LRIG1: variants seen among roughly 807,000 people sequenced by gnomAD.
LRIG1 encodes leucine-rich repeats and immunoglobulin-like domains protein 1.
LRIG1 carries 48 observed loss-of-function variants against 99.2 expected under a neutral mutation model. That is an observed-to-expected ratio of 0.48 (90% confidence interval 0.38 to 0.62). The LOEUF (loss-of-function observed/expected upper bound fraction) is 0.62, where lower values mean the gene tolerates loss of function less well. LRIG1 is among the 20% of genes least tolerant of loss of function. LRIG1 has a pLI of 0.00. For synonymous variants in LRIG1, 772 were observed against 596.1 expected (o/e 1.29, Z -4.30); for missense variants, 1,646 against 1,434.4 (o/e 1.15, Z -2.38).
At chr3:66,401,807 C>T (rs1702067062) in intron 9 of LRIG1, 9 of 534,018 alleles carry the variant, frequency 1.7e-5, no homozygotes, top group Non-Finnish European at 2.9e-5. Context: ...GAACAGAAAG[C>T]GACCTGCGGG....
In LRIG1 at chr3:66,383,171, T is replaced by C. The variant is rs1559765262; in HGVS notation, c.2302A>G (p.Thr768Ala). Residue 768 changes from threonine to alanine, a missense_variant, in exon 15 of 19, where the codon ACC becomes GCC. Thr to Ala is a moderately conservative substitution (Grantham distance 58). Coordinates refer to ENST00000273261, the MANE Select transcript of LRIG1 (RefSeq NM_015541.3). Reference protein sequence around the residue: ...AGRYTCEMSNTLGTERAHSQL... With the variant: ...AGRYTCEMSNALGTERAHSQL... The stretch of plus-strand genomic sequence containing the variant: ...CTGTGAGCTCGCTCCGTGCCCAGGG[T>C]GTTGGACATCTCACAGGTATATCGG... The C allele has an allele frequency of 6.2e-7, 1 of 1,614,008 alleles. No homozygotes were observed. Among genetic ancestry groups the C allele is most frequent in the African/African-American group, 1.3e-5 (1 of 74,896 alleles).
chr3:66,472,952 T>C (rs548279708), intron 1 of LRIG1, among the ~76,000 whole-genome samples: 99 of 152,156 alleles, frequency 6.5e-4, no homozygotes, highest in African/African-American at 1.8e-3. Flanking sequence ...ATGAAAATAT[T>C]AGTACAAAAA....
intron 1 of LRIG1, among the ~76,000 whole-genome samples, chr3:66,477,786 G>A (rs560372571): frequency 6.6e-6 from 1 of 152,198 alleles, no homozygotes; most frequent in East Asian, 1.9e-4. Flanking sequence ...ACACACCTAT[G>A]GGGGAGGAAG....
chr3:66,464,369 G>A (rs1245071782), intron 1 of LRIG1, among the ~76,000 whole-genome samples: 3 of 152,210 alleles, frequency 2.0e-5, no homozygotes, highest in Middle Eastern at 3.4e-3. Flanking sequence ...AGGCTGACAC[G>A]GAAGTGCCTG....
intron 12 of LRIG1, among the ~76,000 whole-genome samples, chr3:66,393,430 T>C (rs28703799): frequency 0.045 from 6,832 of 152,304 alleles, 528 homozygotes; most frequent in African/African-American, 0.15. Context: ...TGCGTGTGTG[T>C]TTTCAGCTGT....
At chr3:66,461,147 C>T (rs1277021250) in intron 2 of LRIG1, among the ~76,000 whole-genome samples, 2 of 152,044 alleles carry the variant, frequency 1.3e-5, no homozygotes, top group Non-Finnish European at 2.9e-5. Flanking sequence ...ACCATCTCTA[C>T]TAAAAAAATT....
intron 1 of LRIG1, among the ~76,000 whole-genome samples, chr3:66,494,969 T>C (rs546859582): frequency 2.0e-5 from 3 of 152,228 alleles, no homozygotes; most frequent in African/African-American, 7.2e-5. Flanking sequence ...AAAACATAAA[T>C]GCAGGTCCCA....
At position 66,379,085 on chromosome 3, in the gene LRIG1, T is replaced by TCC. The variant is rs1489806087; in HGVS notation, c.*1176_*1177dup. On this transcript the variant is annotated 3_prime_UTR_variant, in exon 19 of 19. Coordinates refer to ENST00000273261, the MANE Select transcript of LRIG1 (RefSeq NM_015541.3). ...AATTGTTAACTATTTTCTCAGTAAC[T>TCC]CCCTTCAGCTTTTGGCCAAAGGAAC... 2.6e-5 allele frequency: 4 copies of TCC among 152,762 alleles called. No homozygotes were observed. In the East Asian group the frequency reaches 7.7e-4, roughly 29 times the overall value. The allele number at this position is 152,762 out of a possible 1,614,324, so 9.5% of individuals were successfully genotyped here.
At chr3:66,462,314 C>G (rs1276482848) in intron 2 of LRIG1, 124 bp downstream of exon 2, 3 of 719,108 alleles carry the variant, frequency 4.2e-6, no homozygotes, top group African/African-American at 3.5e-5. Flanking sequence ...AGTCCATACA[C>G]AAATGTTCCT....
rs332371 is a variant in LRIG1, at chr3:66,382,256, A to C, written c.2617+17T>G. ...CAGTCACAGCAGAGCTCTGCTTCACAGTTACTGAGGCCTTACCATTGCTCT... is the reference window on the plus strand; with the variant it reads ...CAGTCACAGCAGAGCTCTGCTTCACCGTTACTGAGGCCTTACCATTGCTCT... On this transcript the variant is annotated intron_variant, in intron 16 of 18. Coordinates refer to ENST00000273261, the MANE Select transcript of LRIG1 (RefSeq NM_015541.3). 11 of 1,613,456 alleles carry C rather than the reference A, an allele frequency of 6.8e-6. No homozygotes were observed. The highest frequency in any genetic ancestry group is 9.3e-6 in the Non-Finnish European group (11 of 1,179,638).
chr3:66,424,311 T>A (rs1021461214), intron 3 of LRIG1, among the ~76,000 whole-genome samples: 3 of 151,294 alleles, frequency 2.0e-5, no homozygotes, highest in Non-Finnish European at 4.4e-5. Flanking sequence ...AACCCCACCA[T>A]TCCAGAGGTA....
At chr3:66,474,266 A>G (rs1326541575) in intron 1 of LRIG1, among the ~76,000 whole-genome samples, 11 of 151,936 alleles carry the variant, frequency 7.2e-5, no homozygotes, top group African/African-American at 2.7e-4. Context: ...GCCACAACAC[A>G]CTTTTATTTC....
In LRIG1 at chr3:66,433,368, G is replaced by A. The variant is rs867799312; in HGVS notation, c.366-16102C>T. On this transcript the variant is annotated intron_variant, in intron 3 of 18. Transcript: ENST00000273261. ...TATGAAGACAGAGAGGGGACTGTGG[G>A]TGCTGCAGCGCTAAAGCTCCCTCTG... Among the ~76,000 whole-genome samples, 16 of 152,346 alleles carry A rather than the reference G, an allele frequency of 1.1e-4. No homozygotes were observed. In the Middle Eastern group the frequency reaches 0.01, roughly 97 times the overall value.
intron 11 of LRIG1, among the ~76,000 whole-genome samples, chr3:66,394,468 G>A (rs894735033): frequency 6.6e-6 from 1 of 152,194 alleles, no homozygotes; most frequent in Non-Finnish European, 1.5e-5. Context: ...CACGTATCAT[G>A]CTGGGGCTGC....
In LRIG1 at chr3:66,379,945, AAAT is replaced by A. The variant is rs1165716554; in HGVS notation, c.*315_*317del. On this transcript the variant is annotated 3_prime_UTR_variant, in exon 19 of 19. Transcript: ENST00000273261. Reference sequence around the variant, plus strand: ...AAATTAAACAGCAACCTGATACGAAAAATAATATTGTCAAAATTGTATAATTTT... The same window carrying A: ...AAATTAAACAGCAACCTGATACGAAAAATATTGTCAAAATTGTATAATTTT... The A allele has an allele frequency of 5.3e-6, 1 of 187,452 alleles. No individual in the cohort carries two copies. The highest frequency in any genetic ancestry group is 1.1e-5 in the Non-Finnish European group (1 of 91,232). The allele number at this position is 187,452 out of a possible 1,614,324, so 11.6% of individuals were successfully genotyped here.
rs1700210563 is a variant in LRIG1 at position 66,456,000 on chromosome 3, CCT to C, written c.291-4369_291-4368del. On this transcript the variant is annotated intron_variant, in intron 2 of 18. Transcript: ENST00000273261. The stretch of plus-strand genomic sequence containing the variant: ...CTTTGAGGAAAGTACTAAATTATCA[CCT>C]CTCCTTAAGAAAGGAAACTGAGGCA... Among the ~76,000 whole-genome samples, 3 of 152,316 alleles carry C rather than the reference CCT, an allele frequency of 2.0e-5. No homozygotes were observed. The South Asian group carries it at 6.2e-4, about 32-fold the overall frequency.
intron 15 of LRIG1, 137 bp from the exon 16 acceptor site, chr3:66,382,535 A>T (rs1032770663): frequency 2.0e-6 from 2 of 1,022,894 alleles, no homozygotes; most frequent in East Asian, 4.8e-5. Flanking sequence ...CATGGAGTCC[A>T]TGTACGCAAC....
chr3:66,399,168 A>AG (rs1471698650), intron 9 of LRIG1, 127 bp from the exon 10 acceptor site: 1 of 758,606 alleles, frequency 1.3e-6, no homozygotes, highest in Non-Finnish European at 2.2e-6. Context: ...CTGTCCAGTG[A>AG]GGGGCAGGTG....
At chr3:66,426,059 C>T (rs1416610979) in intron 3 of LRIG1, among the ~76,000 whole-genome samples, 1 of 152,178 alleles carries the variant, frequency 6.6e-6, no homozygotes, top group Non-Finnish European at 1.5e-5. Context: ...TCTCATGTCA[C>T]AGATAACAGC....
Sources: allele counts gnomAD v4.1 joint callset (sites outside exome capture counted in the v4.1 genomes callset), GRCh38; gene constraint gnomAD v4.1.1; transcripts MANE v1.5; gene names NCBI Gene and HGNC (gene_info 2026-07-23, HGNC 2026-07-21).